Variants in GSN observed in about 807,000 individuals in gnomAD.
GSN encodes actin-depolymerizing factor.
Under a neutral mutation model 85.7 loss-of-function variants are expected in GSN, and 56 were observed. That is an observed-to-expected ratio of 0.65 (90% CI 0.53 to 0.82). GSN has a LOEUF of 0.82. GSN is among the 40% of genes least tolerant of loss of function. The probability of loss-of-function intolerance (pLI) is 0.00; values close to 1 mark genes in which losing one functional copy is unlikely to be tolerated. For synonymous variants in GSN, 373 were observed against 399.1 expected, an observed-to-expected ratio of 0.93 and a Z score of 0.78; for missense variants, 857 against 979.8, an observed-to-expected ratio of 0.87 and a Z score of 1.67.
chr9:121,282,229 C>G, intron 2 of GSN: 1 of 580,022 alleles, frequency 1.7e-6, no homozygotes, highest in Non-Finnish European at 3.2e-6. Flanking sequence ...GTGCCTTGGT[C>G]TCCCCCTACC....
chr9:121,249,855 C>G (rs57568206), intron 6 of GSN, among the ~76,000 whole-genome samples: 8,342 of 152,226 alleles, frequency 0.055, 467 homozygotes, highest in Admixed American at 0.14. Context: ...CTGCTGCTTT[C>G]TTGAAAGAAA....
chr9:121,299,262 C>T lies in GSN; in HGVS notation c.-9-2701C>T. 3 of 984,296 alleles carry T rather than the reference C, an allele frequency of 3.0e-6. No homozygotes were observed. Among genetic ancestry groups the T allele is most frequent in the Non-Finnish European group, 3.6e-6 (3 of 828,884 alleles). The allele number at this position is 984,296 out of a possible 1,614,324, so 61.0% of individuals were successfully genotyped here. Reference sequence around the variant, plus strand: ...GCCCCTCTGAGTCCTGCCGGCTTCACCTGCCCACGGGAGCCGGGTCCCCTG... The same window carrying T: ...GCCCCTCTGAGTCCTGCCGGCTTCATCTGCCCACGGGAGCCGGGTCCCCTG... On this transcript the variant is annotated intron_variant, in intron 2 of 17. Transcript: ENST00000432226. This position sits in a 1 kb window ranked among gnomAD's most constrained non-coding sequence, Gnocchi z 4.2.
At chr9:121,265,661 C>G (rs2055182964), upstream of GSN, 1 of 152,210 alleles carries the variant, frequency 6.6e-6, no homozygotes. Context: ...TTCTCCCCAG[C>G]CTCACTCTGG....
chr9:121,207,428 A>T (rs2053899461), upstream of GSN, among the ~76,000 whole-genome samples: 1 of 152,204 alleles, frequency 6.6e-6, no homozygotes, highest in African/African-American at 2.4e-5. Flanking sequence ...GGGAAATCAC[A>T]TATTTTATAA....
rs549481476 is a variant in GSN, at chr9:121,288,820, A to G, written c.-10+7258A>G. 1.6e-3 allele frequency among the ~76,000 whole-genome samples: 243 copies of G among 151,888 alleles called. 1 individual carries two copies. Among genetic ancestry groups the G allele is most frequent in the African/African-American group, 5.3e-3 (218 of 41,176 alleles). ...GGACACGGCATTCAAGAGATAGTAC[A>G]TGGTATAGAGTCTGTCACAAAACAG... On this transcript the variant is annotated intron_variant, in intron 2 of 17. Coordinates refer to ENST00000432226, the MANE Select transcript of GSN (RefSeq NM_198252.3).
upstream of GSN, among the ~76,000 whole-genome samples, chr9:121,204,617 G>T (rs2053853577): frequency 6.6e-6 from 1 of 152,184 alleles, no homozygotes; most frequent in Non-Finnish European, 1.5e-5. Flanking sequence ...ATCCATTGGG[G>T]TTTCTACTTA....
chr9:121,300,035 G>A (rs772752856), intron 2 of GSN: 5 of 1,534,854 alleles, frequency 3.3e-6, no homozygotes, highest in East Asian at 2.6e-5. Context: ...CGGGGCTCCC[G>A]GAGTAACTCT....
In GSN at chr9:121,329,001, A is replaced by G; in HGVS notation, c.1873A>G (p.Ile625Val). 1 of 1,613,846 alleles carries G rather than the reference A, an allele frequency of 6.2e-7. No individual in the cohort carries two copies. The highest frequency in any genetic ancestry group is 8.5e-7 in the Non-Finnish European group (1 of 1,180,006). ...TCGCCTCTTTGCCTGCTCCAACAAG[A>G]TTGGACGTTTTGTGGTGAGCCCCTG... ...PPRLFACSNK[I>V]GRFVIEEVPG... Residue 625 changes from isoleucine (I) to valine (V), a missense_variant, in exon 15 of 18, where the codon ATT (isoleucine) becomes GTT (valine). Ile to Val is a conservative substitution (Grantham distance 29). Transcript: ENST00000432226. This position sits in a 1 kb window ranked among gnomAD's most constrained non-coding sequence, Gnocchi z 4.6.
Position 121,261,399 on chromosome 9 carries a change from C to T in GSN, c.-340-3755C>T, listed in dbSNP as rs2055081756. Among the ~76,000 whole-genome samples the T allele has an allele frequency of 6.6e-6, 1 of 152,266 alleles. No individual in the cohort carries two copies. Among genetic ancestry groups the T allele is most frequent in the Non-Finnish European group, 1.5e-5 (1 of 68,046 alleles). On this transcript the variant is annotated intron_variant, in intron 6 of 24. Coordinates refer to the GSN transcript ENST00000373823. The surrounding 1 kb of genome is among the most constrained non-coding windows in gnomAD (Gnocchi z 4.1). ...CCTCCTGCCCAGTGCCTTCATTCAG[C>T]CTGGCATGCTCCCAGCCCCACATGA...
At chr9:121,327,144 A>G (rs781581907) in intron 13 of GSN, 164 bp from the exon 14 acceptor site, 1 of 767,456 alleles carries the variant, frequency 1.3e-6, no homozygotes, top group South Asian at 1.4e-5. Flanking sequence ...ATGGGAGTCA[A>G]CCAAGGCCAT....
At chr9:121,253,656 A>G (rs1460051356) in intron 6 of GSN, among the ~76,000 whole-genome samples, 1 of 152,250 alleles carries the variant, frequency 6.6e-6, no homozygotes, top group African/African-American at 2.4e-5. Flanking sequence ...AGCTGCCCAC[A>G]GTGAAACAAA....
chr9:121,327,554 T>G, intron 14 of GSN, 72 bp downstream of exon 14: 1 of 1,293,032 alleles, frequency 7.7e-7, no homozygotes, highest in East Asian at 2.5e-5. Flanking sequence ...TTCCTTCAGC[T>G]TGGGGGCTCT....
At chr9:121,296,818 T>C (rs1564457799) in intron 2 of GSN, among the ~76,000 whole-genome samples, 1 of 152,216 alleles carries the variant, frequency 6.6e-6, no homozygotes, top group African/African-American at 2.4e-5. Flanking sequence ...CTCCAGGGTC[T>C]GTAGTGAGGG....
chr9:121,330,666 G>A (rs893944855), intron 16 of GSN, among the ~76,000 whole-genome samples: 2 of 152,172 alleles, frequency 1.3e-5, no homozygotes, highest in East Asian at 1.9e-4. Context: ...TTTTAGATAT[G>A]CATAAAAATA....
In GSN at chr9:121,299,441, C is replaced by G; in HGVS notation, c.-9-2522C>G. The G allele has an allele frequency of 1.0e-6, 1 of 984,682 alleles. No homozygotes were observed. Among genetic ancestry groups the G allele is most frequent in the Non-Finnish European group, 1.2e-6 (1 of 829,234 alleles). The allele number at this position is 984,682 out of a possible 1,614,324, so 61.0% of individuals were successfully genotyped here. Reference sequence around the variant, plus strand: ...TGTAAAATGGGTTGGCCGTTGTACCCTCTCTGAAAAGGATGTGCTGATGCC... The same window carrying G: ...TGTAAAATGGGTTGGCCGTTGTACCGTCTCTGAAAAGGATGTGCTGATGCC... On this transcript the variant is annotated intron_variant, in intron 2 of 17. Transcript: ENST00000432226. The surrounding 1 kb of genome is among the most constrained non-coding windows in gnomAD (Gnocchi z 4.2).
At chr9:121,214,286 C>G (rs184798351) in intron 4 of GSN, among the ~76,000 whole-genome samples, 1 of 150,796 alleles carries the variant, frequency 6.6e-6, no homozygotes, top group East Asian at 1.9e-4. Context: ...TCTCCTCCTC[C>G]TTCTTCCTCT....
At chr9:121,293,697 CAAAA>C (rs55953322) in intron 2 of GSN, among the ~76,000 whole-genome samples, 24 of 108,790 alleles carry the variant, frequency 2.2e-4, no homozygotes, top group Admixed American at 3.4e-4. Context: ...GACCCCATCT[CAAAA>C]AAAAAAAAAA....
At chr9:121,331,179 A>T (rs917688096) in intron 16 of GSN, among the ~76,000 whole-genome samples, 3 of 152,090 alleles carry the variant, frequency 2.0e-5, no homozygotes, top group African/African-American at 7.2e-5. Flanking sequence ...TTGTTGGCTA[A>T]CACAAGGTGG....
chr9:121,289,843 C>T (rs1161892399), intron 2 of GSN, among the ~76,000 whole-genome samples: 1 of 152,162 alleles, frequency 6.6e-6, no homozygotes, highest in Non-Finnish European at 1.5e-5. Context: ...CCCCATATCA[C>T]AGAGGACCGA....
Sources: gnomAD v4.1 joint callset for allele counts (sites outside exome capture counted in the v4.1 genomes callset) on GRCh38, gnomAD v4.1.1 for gene constraint, Gnocchi (gnomAD v3.1) non-coding constraint, MANE v1.5 for transcripts, NCBI Gene and HGNC (gene_info 2026-07-23, HGNC 2026-07-21) for gene names.